The following RASGRF2 variants were observed in gnomAD, a reference collection of about 807,000 sequenced individuals.
RASGRF2 encodes the protein Ras protein specific guanine nucleotide releasing factor 2.
RASGRF2 carries 76 observed loss-of-function variants against 151.0 expected under a neutral mutation model. The observed-to-expected ratio is 0.50, with a 90% CI of 0.42 to 0.61. The LOEUF (loss-of-function observed/expected upper bound fraction) is 0.61, where lower values mean the gene tolerates loss of function less well. RASGRF2 is among the 20% of genes least tolerant of loss of function. RASGRF2 has a pLI of 0.00. For synonymous variants in RASGRF2, 504 were observed against 566.5 expected (o/e 0.89, Z 1.57); for missense variants, 1,148 against 1,564.6 (o/e 0.73, Z 4.49).
At chr5:81,193,276 T>A (rs887754072) in intron 18 of RASGRF2, among the ~76,000 whole-genome samples, 1 of 152,234 alleles carries the variant, frequency 6.6e-6, no homozygotes, top group Non-Finnish European at 1.5e-5. Flanking sequence ...CAACAGGGAT[T>A]CGTTTTAAAG....
At chr5:81,224,036 T>TATAAG (rs1755918724) in intron 26 of RASGRF2, among the ~76,000 whole-genome samples, 1 of 151,974 alleles carries the variant, frequency 6.6e-6, no homozygotes, top group African/African-American at 2.4e-5. Flanking sequence ...TATTTAAAAA[T>TATAAG]CAAAATATAA....
intron 17 of RASGRF2, among the ~76,000 whole-genome samples, chr5:81,138,157 G>A (rs896839733): frequency 6.6e-6 from 1 of 152,154 alleles, no homozygotes; most frequent in Non-Finnish European, 1.5e-5. Flanking sequence ...CTCTGTTAGG[G>A]TGGGGTGATG....
intron 24 of RASGRF2, chr5:81,216,871 G>A (rs1235164648): frequency 2.5e-6 from 1 of 405,604 alleles, no homozygotes; most frequent in Non-Finnish European, 5.0e-6. Context: ...GTGATGTTAA[G>A]TCTACACTTT....
At chr5:81,202,819 CTGCAAGCCAA>C (rs1195415498) in intron 19 of RASGRF2, among the ~76,000 whole-genome samples, 1 of 152,230 alleles carries the variant, frequency 6.6e-6, no homozygotes, top group Non-Finnish European at 1.5e-5. Context: ...AGTTATGCAG[CTGCAAGCCAA>C]AGAAAGCCAA....
In RASGRF2 at chr5:81,117,937, A is replaced by G. The variant is rs545838170; in HGVS notation, c.2470+4017A>G. On this transcript the variant is annotated intron_variant, in intron 15 of 26. Coordinates refer to ENST00000265080, the MANE Select transcript of RASGRF2 (RefSeq NM_006909.3). The stretch of plus-strand genomic sequence containing the variant: ...CATTAACTCTTAAGACTCCAGAATA[A>G]TATTTCACTCCATGTGCTGCCTCCT... Among the ~76,000 whole-genome samples the G allele has an allele frequency of 8.5e-5, 13 of 152,332 alleles. No individual in the cohort carries two copies. The East Asian group carries it at 1.7e-3, about 20-fold the overall frequency.
At chr5:81,045,135 CA>C (rs1192392837) in intron 2 of RASGRF2, among the ~76,000 whole-genome samples, 1 of 152,128 alleles carries the variant, frequency 6.6e-6, no homozygotes, top group East Asian at 1.9e-4. Flanking sequence ...GTCAGGCCTT[CA>C]AAGATGAAAG....
chr5:80,983,480 G>A (rs1259757492), intron 1 of RASGRF2, among the ~76,000 whole-genome samples: 1 of 152,224 alleles, frequency 6.6e-6, no homozygotes, highest in Non-Finnish European at 1.5e-5. Context: ...TCTATCTGAG[G>A]GCATTTGGGT....
At chr5:80,976,551 G>A (rs1292966603) in intron 1 of RASGRF2, among the ~76,000 whole-genome samples, 1 of 152,146 alleles carries the variant, frequency 6.6e-6, no homozygotes, top group African/African-American at 2.4e-5. Flanking sequence ...TATGTGCTGG[G>A]TTCTGTGCTG....
chr5:80,974,254 C>T (rs1748037281), intron 1 of RASGRF2, among the ~76,000 whole-genome samples: 1 of 152,234 alleles, frequency 6.6e-6, no homozygotes, highest in Non-Finnish European at 1.5e-5. Flanking sequence ...TATCTTTAAT[C>T]TGCCAGTCTG....
intron 1 of RASGRF2, among the ~76,000 whole-genome samples, chr5:80,983,792 A>T (rs1748389093): frequency 6.6e-6 from 1 of 152,192 alleles, no homozygotes. Flanking sequence ...AGCTCAATAA[A>T]TTTTTTATTT....
chr5:81,117,155 A>G (rs1753183534), intron 15 of RASGRF2, among the ~76,000 whole-genome samples: 1 of 152,250 alleles, frequency 6.6e-6, no homozygotes, highest in African/African-American at 2.4e-5. Flanking sequence ...GCTACTGTCT[A>G]GGACAAAGTA....
chr5:81,174,903 T>G (rs1210086703), intron 17 of RASGRF2, among the ~76,000 whole-genome samples: 1 of 152,208 alleles, frequency 6.6e-6, no homozygotes, highest in African/African-American at 2.4e-5. Flanking sequence ...GAGATAGAAT[T>G]AAAAGGAAAG....
In RASGRF2 at chr5:81,113,855, T is replaced by C. The variant is rs1405638147; in HGVS notation, c.2405T>C (p.Val802Ala). ...TCTCCAGAGCAAAGCCCGGGAACGG[T>C]AGAAGAGAATGTCGATAACCCACGC... Reference protein sequence around the residue: ...LSSPEQSPGTVEENVDNPRVD... With the variant: ...LSSPEQSPGTAEENVDNPRVD... The change falls in exon 15 of 27, where the codon GTA (valine) becomes GCA (alanine). Residue 802 changes from valine (V) to alanine (A), a missense_variant. Physicochemically the swap from Val to Ala is moderately conservative, Grantham distance 64 (BLOSUM62 0). Transcript: ENST00000265080. 1.2e-6 allele frequency: 2 copies of C among 1,613,970 alleles called. No individual in the cohort carries two copies. The highest frequency in any genetic ancestry group is 1.7e-6 in the Non-Finnish European group (2 of 1,180,002).
chr5:81,150,525 C>T (rs1030172386), intron 17 of RASGRF2, among the ~76,000 whole-genome samples: 6 of 152,146 alleles, frequency 3.9e-5, no homozygotes, highest in Admixed American at 3.3e-4. Context: ...CAGCCCCTAT[C>T]GTCAAGGCAG....
intron 23 of RASGRF2, among the ~76,000 whole-genome samples, chr5:81,214,414 G>A (rs1755690274): frequency 6.6e-6 from 1 of 152,194 alleles, no homozygotes; most frequent in Non-Finnish European, 1.5e-5. Flanking sequence ...AGACACCTTT[G>A]ATGACAACAT....
At chr5:81,022,232 C>A (rs976509116) in intron 1 of RASGRF2, among the ~76,000 whole-genome samples, 1 of 152,176 alleles carries the variant, frequency 6.6e-6, no homozygotes, top group Non-Finnish European at 1.5e-5. Context: ...AGTGAATTCT[C>A]TCCCAGGTCT....
rs925170894 is a variant in RASGRF2 at position 81,148,577 on chromosome 5, C to T, written c.2686+21414C>T. On this transcript the variant is annotated intron_variant, in intron 17 of 26. Coordinates refer to ENST00000265080, the MANE Select transcript of RASGRF2 (RefSeq NM_006909.3). The stretch of plus-strand genomic sequence containing the variant: ...TAAACATGTAACAAAACCATCACAG[C>T]AAGTAGAAGAAACACCTGAACGCAC... Among the ~76,000 whole-genome samples the T allele has an allele frequency of 3.3e-5, 5 of 150,930 alleles. No individual in the cohort carries two copies. The Admixed American group carries it at 3.3e-4, about 10-fold the overall frequency.
chr5:81,135,656 C>A (rs1014958665), intron 17 of RASGRF2, among the ~76,000 whole-genome samples: 3 of 152,086 alleles, frequency 2.0e-5, no homozygotes, highest in African/African-American at 7.2e-5. Context: ...TATGGATATA[C>A]CACATTTTAT....
At chr5:81,056,327 G>C (rs1326926462) in intron 2 of RASGRF2, among the ~76,000 whole-genome samples, 1 of 152,124 alleles carries the variant, frequency 6.6e-6, no homozygotes, top group Non-Finnish European at 1.5e-5. Context: ...TGTATGTTGT[G>C]TCTTTGTTCT....
Sources: allele counts gnomAD v4.1 joint callset (sites outside exome capture counted in the v4.1 genomes callset), GRCh38; gene constraint gnomAD v4.1.1; transcripts MANE v1.5; gene names NCBI Gene and HGNC (gene_info 2026-07-23, HGNC 2026-07-21).